The following SRRM3 variants were observed in gnomAD, a reference collection of about 807,000 sequenced individuals.
The protein encoded by SRRM3 is serine/arginine repetitive matrix protein 3.
SRRM3 carries 27 observed loss-of-function variants against 66.2 expected under a neutral mutation model. That is an observed-to-expected ratio of 0.41 (90% CI 0.30 to 0.56). The LOEUF is 0.56. Among genes scored for constraint, SRRM3 ranks in the 20% least tolerant of loss-of-function variants. SRRM3 has a pLI of 0.32. For synonymous variants in SRRM3, 391 were observed against 414.9 expected, an observed-to-expected ratio of 0.94 and a Z score of 0.70; for missense variants, 918 against 991.9, an observed-to-expected ratio of 0.93 and a Z score of 1.00.
chr7:76,248,296 G>T lies in SRRM3; in HGVS notation c.335+7G>T. The T allele has an allele frequency of 6.2e-7, 1 of 1,605,988 alleles. No individual in the cohort carries two copies. Among genetic ancestry groups the T allele is most frequent in the Non-Finnish European group, 8.5e-7 (1 of 1,173,406 alleles). ...ACCGGCCTGGGGGCCACATGTGAGT[G>T]CTTACCTGTGTGGGGATGAGGGAGA... On this transcript the variant is annotated splice_region_variant and intron_variant, in intron 3 of 14. Coordinates refer to ENST00000611745, the MANE Select transcript of SRRM3 (RefSeq NM_001110199.3).
chr7:76,218,849 G>C (rs1215361281), intron 1 of SRRM3, among the ~76,000 whole-genome samples: 1 of 150,784 alleles, frequency 6.6e-6, no homozygotes, highest in Non-Finnish European at 1.5e-5. Flanking sequence ...TGGCCTTTTT[G>C]TTTGTTTGTT....
intron 10 of SRRM3, among the ~76,000 whole-genome samples, chr7:76,266,164 G>A (rs1554609554): frequency 5.7e-5 from 1 of 17,392 alleles, no homozygotes; most frequent in Non-Finnish European, 9.2e-5. Context: ...CACCGCGCCC[G>A]GCCTTATTTA....
chr7:76,238,070 C>T (rs1801191840), intron 2 of SRRM3, among the ~76,000 whole-genome samples: 1 of 151,858 alleles, frequency 6.6e-6, no homozygotes, highest in African/African-American at 2.4e-5. Context: ...TTGAATGGCC[C>T]TCCCCCTGCC....
At chr7:76,204,105 A>G (rs544326957) in intron 1 of SRRM3, among the ~76,000 whole-genome samples, 21 of 152,210 alleles carry the variant, frequency 1.4e-4, no homozygotes, top group Admixed American at 7.2e-4. Context: ...TCTGCCAGCC[A>G]GTGACTGCTC....
Position 76,235,279 on chromosome 7 carries a change from G to A in SRRM3, c.213G>A (p.Gln71=). 3 of 1,530,502 alleles carry A rather than the reference G, an allele frequency of 2.0e-6. No individual in the cohort carries two copies. The South Asian group carries it at 3.6e-5, about 18-fold the overall frequency. 94.8% of individuals were successfully genotyped at this position (1,530,502 alleles called of 1,614,324 possible). A position where few individuals can be genotyped will look rare whatever the true frequency, so the allele number is the denominator to read the frequency against. Reference sequence around the variant, plus strand: ...TGGAGCTCAAGTGCATGGAGCTGCAGGAGATGATGGAGGAGCAGGGGTGAG... The same window carrying A: ...TGGAGCTCAAGTGCATGGAGCTGCAAGAGATGATGGAGGAGCAGGGGTGAG... ...RRVELKCMEL[Q]EMMEEQGYSE... Residue 71 remains glutamine (Q), a synonymous_variant, in exon 2 of 15, where the codon CAG becomes CAA. Transcript: ENST00000611745.
chr7:76,205,444 A>G (rs1055504461), intron 1 of SRRM3, among the ~76,000 whole-genome samples: 1 of 152,198 alleles, frequency 6.6e-6, no homozygotes, highest in Admixed American at 6.5e-5. Context: ...TCCTGACCTC[A>G]GGTGATCCGC....
chr7:76,234,050 C>T (rs570154719), intron 1 of SRRM3, among the ~76,000 whole-genome samples: 10 of 152,220 alleles, frequency 6.6e-5, no homozygotes, highest in African/African-American at 2.2e-4. Flanking sequence ...TTCTTTTCCT[C>T]CCTCCCTCCT....
At chr7:76,280,788 C>G (rs1802477715) in intron 11 of SRRM3, among the ~76,000 whole-genome samples, 1 of 147,440 alleles carries the variant, frequency 6.8e-6, no homozygotes, top group Non-Finnish European at 1.5e-5. Flanking sequence ...GCTCTCTCAC[C>G]CCAACTTCTC....
At chr7:76,237,598 C>G (rs1377604811) in intron 2 of SRRM3, among the ~76,000 whole-genome samples, 2 of 152,016 alleles carry the variant, frequency 1.3e-5, no homozygotes, top group Non-Finnish European at 2.9e-5. Flanking sequence ...AACAAACACA[C>G]AAACAAAACC....
At chr7:76,276,510 C>T (rs1034123079) in intron 11 of SRRM3, among the ~76,000 whole-genome samples, 2 of 152,056 alleles carry the variant, frequency 1.3e-5, no homozygotes, top group Non-Finnish European at 2.9e-5. Context: ...CTGGAAAAGG[C>T]GCCCTGGAGC....
intron 3 of SRRM3, among the ~76,000 whole-genome samples, chr7:76,259,232 G>A (rs1313668130): frequency 1.3e-5 from 2 of 151,996 alleles, no homozygotes; most frequent in Admixed American, 6.6e-5. Flanking sequence ...AATGGGGCTA[G>A]GATATGGAGG....
intron 1 of SRRM3, among the ~76,000 whole-genome samples, chr7:76,203,057 G>A (rs1215076997): frequency 6.6e-6 from 1 of 152,224 alleles, no homozygotes; most frequent in Admixed American, 6.5e-5. Flanking sequence ...GCTGGGCTTT[G>A]ACGGAGAGAC....
chr7:76,237,260 A>G (rs1030756384), intron 2 of SRRM3, among the ~76,000 whole-genome samples: 2 of 152,174 alleles, frequency 1.3e-5, no homozygotes, highest in African/African-American at 4.8e-5. Flanking sequence ...ACAAAAAATT[A>G]GCCGGGCATG....
At chr7:76,247,083 G>A (rs1554606241) in intron 2 of SRRM3, among the ~76,000 whole-genome samples, 1 of 152,194 alleles carries the variant, frequency 6.6e-6, no homozygotes, top group African/African-American at 2.4e-5. Context: ...AGGCTGGAGG[G>A]AGAGACTCCA....
chr7:76,265,588 G>C (rs1430474053), intron 10 of SRRM3, 120 bp downstream of exon 10: 9 of 763,406 alleles, frequency 1.2e-5, no homozygotes, highest in Non-Finnish European at 1.4e-5. Context: ...GTGGGTAGAA[G>C]TTTATCAGGG....
At chr7:76,259,767 G>T in intron 3 of SRRM3, 139 bp from the exon 4 acceptor site, 7 of 1,309,380 alleles carry the variant, frequency 5.3e-6, no homozygotes, top group Non-Finnish European at 6.3e-6. Context: ...AAGGCCAGGG[G>T]CCGCAGTTAC....
chr7:76,284,469 C>T (rs1425111514), intron 14 of SRRM3, among the ~76,000 whole-genome samples: 2 of 152,174 alleles, frequency 1.3e-5, no homozygotes, highest in East Asian at 1.9e-4. Flanking sequence ...TGAGCCCCCG[C>T]GCCCGACCAA....
At chr7:76,215,832 C>CT (rs1554602520) in intron 1 of SRRM3, among the ~76,000 whole-genome samples, 3 of 133,366 alleles carry the variant, frequency 2.2e-5, no homozygotes, top group South Asian at 2.5e-4. Context: ...GAGTCTCACT[C>CT]TGTCGCCCAG....
chr7:76,262,708 T>C (rs1554608941), intron 8 of SRRM3, among the ~76,000 whole-genome samples: 2 of 151,520 alleles, frequency 1.3e-5, no homozygotes, highest in Non-Finnish European at 1.5e-5. Flanking sequence ...CCCAGCTACT[T>C]GGGAGGCTGA....
Sources: allele counts gnomAD v4.1 joint callset (sites outside exome capture counted in the v4.1 genomes callset), GRCh38; gene constraint gnomAD v4.1.1; transcripts MANE v1.5; gene names NCBI Gene and HGNC (gene_info 2026-07-23, HGNC 2026-07-21).